GALNT17: variants seen among roughly 807,000 people sequenced by gnomAD.
The protein encoded by GALNT17 is UDP-GalNAc:polypeptide N-acetylgalactosaminyltransferase-like 3.
Under a neutral mutation model 63.7 loss-of-function variants are expected in GALNT17, and 29 were observed. That is an observed-to-expected ratio of 0.46 (90% CI 0.34 to 0.62). The LOEUF is 0.62. Among genes scored for constraint, GALNT17 ranks in the 20% least tolerant of loss-of-function variants. The pLI, the probability that GALNT17 is intolerant of heterozygous loss-of-function variation, is 0.01. For missense variants in GALNT17, 603 were observed against 799.6 expected (o/e 0.75, Z 2.97); for synonymous variants, 305 against 318.3 (o/e 0.96, Z 0.45).
At chr7:71,230,730 G>A (rs1265040508) in intron 1 of GALNT17, among the ~76,000 whole-genome samples, 1 of 152,118 alleles carries the variant, frequency 6.6e-6, no homozygotes, top group Non-Finnish European at 1.5e-5. Flanking sequence ...GAGGTTAGGA[G>A]GGCATCCAGA....
At chr7:71,538,731 C>G (rs905341713) in intron 5 of GALNT17, among the ~76,000 whole-genome samples, 9 of 152,062 alleles carry the variant, frequency 5.9e-5, no homozygotes, top group African/African-American at 1.7e-4. Flanking sequence ...TCTCTGAGCT[C>G]AGGAGCTGAG....
At chr7:71,400,604 A>C (rs1793222453) in intron 3 of GALNT17, among the ~76,000 whole-genome samples, 1 of 152,256 alleles carries the variant, frequency 6.6e-6, no homozygotes, top group Non-Finnish European at 1.5e-5. Flanking sequence ...GTTTCTTTCC[A>C]AAATAAATTC....
At chr7:71,561,371 C>G (rs367583894) in intron 5 of GALNT17, among the ~76,000 whole-genome samples, 3 of 152,140 alleles carry the variant, frequency 2.0e-5, no homozygotes, top group African/African-American at 7.2e-5. Context: ...GGCGGTACTA[C>G]GAAAACACTC....
At chr7:71,669,827 C>A in intron 7 of GALNT17, 145 bp from the exon 8 acceptor site, 1 of 975,258 alleles carries the variant, frequency 1.0e-6, no homozygotes, top group Non-Finnish European at 1.5e-6. Flanking sequence ...TCCTAAAGTG[C>A]TGGGATTACA....
At chr7:71,381,355 G>A (rs1202960891) in intron 2 of GALNT17, among the ~76,000 whole-genome samples, 2 of 152,194 alleles carry the variant, frequency 1.3e-5, no homozygotes, top group Non-Finnish European at 2.9e-5. Context: ...AGGGCTGATG[G>A]TATTGATTTC....
At chr7:71,181,942 A>C (rs1426986029) in intron 1 of GALNT17, among the ~76,000 whole-genome samples, 1 of 152,006 alleles carries the variant, frequency 6.6e-6, no homozygotes, top group East Asian at 1.9e-4. Flanking sequence ...TTGGGAGGCC[A>C]AGGCGGGCGG....
chr7:71,364,901 A>G (rs1057348265), intron 2 of GALNT17, among the ~76,000 whole-genome samples: 2 of 151,484 alleles, frequency 1.3e-5, no homozygotes, highest in African/African-American at 4.9e-5. Context: ...GCATTCCCAG[A>G]TTTCTAAAAG....
intron 1 of GALNT17, among the ~76,000 whole-genome samples, chr7:71,265,048 C>T (rs747625961): frequency 6.4e-5 from 9 of 141,240 alleles, no homozygotes; most frequent in Non-Finnish European, 1.2e-4. Context: ...CTGACTTGAT[C>T]ATGACACATT....
chr7:71,366,472 T>A (rs1307255034), intron 2 of GALNT17, among the ~76,000 whole-genome samples: 1 of 152,026 alleles, frequency 6.6e-6, no homozygotes, highest in Non-Finnish European at 1.5e-5. Flanking sequence ...TCCCAGTTAC[T>A]CGGGAGGCTG....
Position 71,158,451 on chromosome 7 carries a change from G to T in GALNT17, c.238+25411G>T, listed in dbSNP as rs369480222. On this transcript the variant is annotated intron_variant, in intron 1 of 10. Transcript: ENST00000333538. ...AATTTGTTGCCCAGGCTGGAGTGCAGTGGCGTGATCTTGGCTCACTGCATC... is the reference window on the plus strand; with the variant it reads ...AATTTGTTGCCCAGGCTGGAGTGCATTGGCGTGATCTTGGCTCACTGCATC... 1.1e-4 allele frequency among the ~76,000 whole-genome samples: 17 copies of T among 151,688 alleles called. No individual in the cohort carries two copies. In the East Asian group the frequency reaches 2.1e-3, roughly 19 times the overall value.
chr7:71,483,396 G>A (rs1787856025), intron 5 of GALNT17, among the ~76,000 whole-genome samples: 1 of 151,960 alleles, frequency 6.6e-6, no homozygotes, highest in Non-Finnish European at 1.5e-5. Flanking sequence ...CTTGAACCCG[G>A]GAGGTGGAGG....
In GALNT17 at chr7:71,454,573, C is replaced by CTA. The variant is rs1449526899; in HGVS notation, c.962+33468_962+33469insTA. ...GGGAAGTGTAGCCTCTGGTCAGAAG[C>CTA]CAGAAATACTTTGAGAGAAGGTCAA... On this transcript the variant is annotated intron_variant, in intron 5 of 10. Coordinates refer to ENST00000333538, the MANE Select transcript of GALNT17 (RefSeq NM_022479.3). 2.6e-5 allele frequency among the ~76,000 whole-genome samples: 4 copies of CTA among 152,012 alleles called. No individual in the cohort carries two copies. In the East Asian group the frequency reaches 7.7e-4, roughly 29 times the overall value.
chr7:71,401,097 C>CTTTTTTT (rs544794124), intron 3 of GALNT17, among the ~76,000 whole-genome samples: 9 of 140,060 alleles, frequency 6.4e-5, no homozygotes, highest in East Asian at 2.1e-4. Context: ...TTTTCTTTTT[C>CTTTTTTT]TTTTTTTTTT....
intron 4 of GALNT17, among the ~76,000 whole-genome samples, chr7:71,417,155 T>G (rs936009130): frequency 3.3e-5 from 5 of 152,230 alleles, no homozygotes; most frequent in Admixed American, 2.6e-4. Context: ...CATTGAGGCC[T>G]TCTTGAGTAA....
chr7:71,371,705 C>T (rs981143941), intron 2 of GALNT17, among the ~76,000 whole-genome samples: 4 of 152,150 alleles, frequency 2.6e-5, no homozygotes, highest in Admixed American at 1.3e-4. Flanking sequence ...GTTTTATTTT[C>T]CCTATATTTA....
intron 4 of GALNT17, among the ~76,000 whole-genome samples, chr7:71,418,270 C>T (rs1015634447): frequency 5.3e-5 from 8 of 152,202 alleles, no homozygotes; most frequent in African/African-American, 1.9e-4. Context: ...CATTCAGACG[C>T]ATTTTCCACA....
intron 5 of GALNT17, among the ~76,000 whole-genome samples, chr7:71,479,593 T>C (rs918419340): frequency 1.3e-5 from 2 of 152,178 alleles, no homozygotes; most frequent in Non-Finnish European, 2.9e-5. Flanking sequence ...CTTTTTTTTT[T>C]TCCTGTGCTG....
intron 1 of GALNT17, among the ~76,000 whole-genome samples, chr7:71,228,379 G>A (rs1273057726): frequency 6.6e-6 from 1 of 152,182 alleles, no homozygotes; most frequent in Non-Finnish European, 1.5e-5. Context: ...AACACAGCTG[G>A]TGTCCTGTCT....
intron 6 of GALNT17, among the ~76,000 whole-genome samples, 173 bp downstream of exon 6, chr7:71,571,575 G>A (rs1466637844): frequency 2.6e-5 from 4 of 152,238 alleles, no homozygotes; most frequent in South Asian, 4.2e-4. Context: ...CTTATGTAGG[G>A]AAACCTGGGC....
Sources: gnomAD v4.1 joint callset for allele counts (sites outside exome capture counted in the v4.1 genomes callset) on GRCh38, gnomAD v4.1.1 for gene constraint, MANE v1.5 for transcripts, NCBI Gene and HGNC (gene_info 2026-07-23, HGNC 2026-07-21) for gene names.